Variants in MICU1 observed in about 807,000 individuals in gnomAD.
MICU1 encodes the protein calcium uptake protein 1, mitochondrial.
A neutral mutation model predicts 56.8 loss-of-function variants in MICU1; 45 were observed. That is an observed-to-expected ratio of 0.79 (90% CI 0.62 to 1.02). MICU1 has a LOEUF of 1.02. Among genes scored for constraint, MICU1 ranks in the 50% least tolerant of loss-of-function variants. The probability of loss-of-function intolerance (pLI) is 0.00; values close to 1 mark genes in which losing one functional copy is unlikely to be tolerated. For missense variants in MICU1, 504 were observed against 587.1 expected, an observed-to-expected ratio of 0.86 and a Z score of 1.46; for synonymous variants, 186 against 195.1, an observed-to-expected ratio of 0.95 and a Z score of 0.39.
intron 10 of MICU1, among the ~76,000 whole-genome samples, chr10:72,406,426 A>G (rs1461903666): frequency 2.6e-5 from 4 of 152,154 alleles, no homozygotes; most frequent in African/African-American, 7.2e-5. Context: ...TACATACTCA[A>G]TGTTACTGTA....
intron 8 of MICU1, among the ~76,000 whole-genome samples, chr10:72,465,701 A>T (rs1420310643): frequency 2.0e-5 from 3 of 151,596 alleles, no homozygotes; most frequent in South Asian, 2.1e-4. Context: ...CTTAGTAAAG[A>T]CAGGGTTACA....
At chr10:72,437,134 G>A (rs1864755886) in intron 8 of MICU1, among the ~76,000 whole-genome samples, 1 of 152,118 alleles carries the variant, frequency 6.6e-6, no homozygotes, top group Non-Finnish European at 1.5e-5. Flanking sequence ...AAAGCGTTAA[G>A]GGCAGCCAGA....
intron 5 of MICU1, 154 bp from the exon 6 acceptor site, chr10:72,508,423 GTT>G (rs1434559703): frequency 4.9e-6 from 2 of 412,020 alleles, no homozygotes; most frequent in Non-Finnish European, 4.3e-6. Flanking sequence ...ATCCTTTACA[GTT>G]TTCAAGATGA....
At chr10:72,416,685 T>C (rs1863993493) in intron 9 of MICU1, among the ~76,000 whole-genome samples, 1 of 152,172 alleles carries the variant, frequency 6.6e-6, no homozygotes, top group Non-Finnish European at 1.5e-5. Context: ...CAAATGTCTT[T>C]ATAAGCTTCT....
chr10:72,591,182 G>C (rs994988300), intron 1 of MICU1, among the ~76,000 whole-genome samples: 25 of 152,120 alleles, frequency 1.6e-4, no homozygotes, highest in Admixed American at 1.1e-3. Context: ...AACATACTTA[G>C]AGATGAATGA....
chr10:72,454,234 C>A (rs746736578), intron 8 of MICU1, among the ~76,000 whole-genome samples: 10 of 151,842 alleles, frequency 6.6e-5, no homozygotes, highest in Non-Finnish European at 1.5e-4. Flanking sequence ...GTGGGCGGAT[C>A]ACCTGAGGTC....
chr10:72,389,151 G>A (rs547272386), intron 10 of MICU1, among the ~76,000 whole-genome samples: 224 of 152,330 alleles, frequency 1.5e-3, no homozygotes, highest in Non-Finnish European at 2.6e-3. Context: ...TCAGGAGTGG[G>A]TGGCAGCTTG....
chr10:72,402,570 A>T (rs551492352), intron 10 of MICU1, among the ~76,000 whole-genome samples: 1 of 152,288 alleles, frequency 6.6e-6, no homozygotes, highest in South Asian at 2.1e-4. Context: ...TATATTAAAA[A>T]AAACAAAAAA....
chr10:72,475,403 AT>A, intron 7 of MICU1, 106 bp from the exon 8 acceptor site: 1 of 1,038,722 alleles, frequency 9.6e-7, no homozygotes, highest in Non-Finnish European at 1.4e-6. Flanking sequence ...CCTACTCTGT[AT>A]TATAATTATC....
chr10:72,551,446 T>G (rs1287990760), intron 3 of MICU1, 105 bp from the exon 4 acceptor site: 3 of 797,810 alleles, frequency 3.8e-6, no homozygotes, highest in Non-Finnish European at 5.2e-6. Context: ...TCCATCCTAT[T>G]TTGGGAAGAA....
Position 72,426,445 on chromosome 10 carries a change from T to A in MICU1, c.934-3074A>T, listed in dbSNP as rs187276629. Among the ~76,000 whole-genome samples, 37 of 151,704 alleles carry A rather than the reference T, an allele frequency of 2.4e-4. No homozygotes were observed. The East Asian group carries it at 6.6e-3, about 27-fold the overall frequency. ...CAGGGTCTTGCACTGTCACCCAGGC[T>A]GGAGTGCAGTGGCACAATCATGGCT... On this transcript the variant is annotated intron_variant, in intron 8 of 11. Coordinates refer to ENST00000361114, the MANE Select transcript of MICU1 (RefSeq NM_001195518.2).
intron 1 of MICU1, among the ~76,000 whole-genome samples, chr10:72,588,449 C>T (rs1267056210): frequency 6.6e-6 from 1 of 152,108 alleles, no homozygotes; most frequent in Non-Finnish European, 1.5e-5. Context: ...GCTCTAAAGC[C>T]AGTACCTTCT....
At chr10:72,510,155 A>C (rs1867395613) in intron 5 of MICU1, among the ~76,000 whole-genome samples, 1 of 152,214 alleles carries the variant, frequency 6.6e-6, no homozygotes, top group African/African-American at 2.4e-5. Context: ...GAGGAAGTTA[A>C]GCCAAAGAAG....
At chr10:72,477,365 A>G (rs938140310) in intron 6 of MICU1, 109 bp from the exon 7 acceptor site, 5 of 1,163,782 alleles carry the variant, frequency 4.3e-6, no homozygotes, top group South Asian at 1.5e-5. Context: ...AGTCACCATA[A>G]AAGTGACTGA....
At chr10:72,623,302 A>C in intron 1 of MICU1, among the ~76,000 whole-genome samples, 1 of 146,570 alleles carries the variant, frequency 6.8e-6, no homozygotes, top group South Asian at 2.2e-4. Context: ...CTCCGTCTCA[A>C]AAAAAAAAAA....
At chr10:72,486,975 G>GC (rs1452120566) in intron 6 of MICU1, among the ~76,000 whole-genome samples, 1 of 152,150 alleles carries the variant, frequency 6.6e-6, no homozygotes, top group African/African-American at 2.4e-5. Flanking sequence ...CCCTATCAGA[G>GC]CAACATAAAT....
chr10:72,496,512 G>C (rs1866850618), intron 6 of MICU1, among the ~76,000 whole-genome samples: 1 of 152,160 alleles, frequency 6.6e-6, no homozygotes, highest in Non-Finnish European at 1.5e-5. Context: ...ATGTTGGCCA[G>C]GCTGGTCTTG....
chr10:72,515,397 T>C (rs1589297627), intron 5 of MICU1, among the ~76,000 whole-genome samples: 1 of 152,214 alleles, frequency 6.6e-6, no homozygotes, highest in East Asian at 1.9e-4. Flanking sequence ...CTCTTTGTAC[T>C]TCTTAACCTT....
chr10:72,547,859 G>A (rs1230132391), intron 4 of MICU1, among the ~76,000 whole-genome samples: 2 of 152,060 alleles, frequency 1.3e-5, no homozygotes, highest in African/African-American at 4.8e-5. Context: ...AGTGAAACAG[G>A]TCAGCAGAAA....
Sources: allele counts gnomAD v4.1 joint callset (sites outside exome capture counted in the v4.1 genomes callset), GRCh38; gene constraint gnomAD v4.1.1; transcripts MANE v1.5; gene names NCBI Gene and HGNC (gene_info 2026-07-23, HGNC 2026-07-21).